The following RIPK1 variants were observed in gnomAD, a reference collection of about 807,000 sequenced individuals.
The protein encoded by RIPK1 is receptor interacting serine/threonine kinase 1.
A neutral mutation model predicts 62.4 loss-of-function variants in RIPK1; 27 were observed. That is an observed-to-expected ratio of 0.43 (90% confidence interval 0.32 to 0.60). The LOEUF (loss-of-function observed/expected upper bound fraction) is 0.60. Ranked by LOEUF, RIPK1 falls within the 20% of genes least tolerant of loss-of-function variation. The pLI is 0.07. For synonymous variants in RIPK1, 287 were observed against 303.2 expected (o/e 0.95, Z 0.55); for missense variants, 735 against 831.0 (o/e 0.88, Z 1.42).
intron 1 of RIPK1, among the ~76,000 whole-genome samples, chr6:3,069,207 C>G (rs1758560389): frequency 6.6e-6 from 1 of 152,322 alleles, no homozygotes; most frequent in South Asian, 2.1e-4. Context: ...TAAGAAAAAA[C>G]AGTTTGGGCT....
chr6:3,069,054 T>A (rs1303256692), intron 1 of RIPK1, among the ~76,000 whole-genome samples: 2 of 152,188 alleles, frequency 1.3e-5, no homozygotes, highest in Non-Finnish European at 2.9e-5. Context: ...TGGCCGCCTC[T>A]GTGCCAGAGG....
upstream of RIPK1, among the ~76,000 whole-genome samples, chr6:3,066,086 C>A (rs1306935272): frequency 2.0e-5 from 3 of 152,094 alleles, no homozygotes; most frequent in Non-Finnish European, 4.4e-5. Context: ...CAGGCTGGAG[C>A]AATCTTGGCT....
intron 1 of RIPK1, 76 bp from the exon 2 acceptor site, chr6:3,076,687 GA>G (rs1271783383): frequency 1.2e-4 from 18 of 152,750 alleles, no homozygotes; most frequent in Admixed American, 4.9e-4. Flanking sequence ...CTCCAAAGGA[GA>G]AAAAAAAAAA....
chr6:3,109,865 A>G (rs969691038), intron 9 of RIPK1, among the ~76,000 whole-genome samples: 3 of 152,162 alleles, frequency 2.0e-5, no homozygotes, highest in African/African-American at 4.8e-5. Flanking sequence ...TAGGTACCTC[A>G]TGTGAGTGGA....
At chr6:3,068,386 G>C (rs1758483334), upstream of RIPK1, 2 of 985,468 alleles carry the variant, frequency 2.0e-6, no homozygotes, top group Non-Finnish European at 1.2e-6. Flanking sequence ...CCGCAAGAGA[G>C]CTCCGGGACT....
intron 7 of RIPK1, among the ~76,000 whole-genome samples, chr6:3,090,856 T>C (rs13212107): frequency 0.087 from 3,728 of 42,930 alleles, 184 homozygotes; most frequent in African/African-American, 0.2. Context: ...AACCGCAGAG[T>C]ACCTACCTGC....
chr6:3,082,655 T>C (rs1389055709), intron 4 of RIPK1, among the ~76,000 whole-genome samples: 3 of 152,090 alleles, frequency 2.0e-5, no homozygotes, highest in Non-Finnish European at 2.9e-5. Flanking sequence ...TTTGGGGAAA[T>C]AGAAGGTGTA....
rs149432620 is a variant in RIPK1 at position 3,083,232 on chromosome 6, G to A, written c.607G>A (p.Ala203Thr). ...GCCCGAGCACCTGAATGACGTCAACGCAAAGCCCACAGAGAAGTCGGATGT... is the reference window on the plus strand; with the variant it reads ...GCCCGAGCACCTGAATGACGTCAACACAAAGCCCACAGAGAAGTCGGATGT... ...MAPEHLNDVNAKPTEKSDVYS... is the reference protein window; with the variant it reads ...MAPEHLNDVNTKPTEKSDVYS... Residue 203 changes from alanine to threonine, a missense_variant, in exon 5 of 11, where the codon GCA (alanine) becomes ACA (threonine). Ala to Thr is a moderately conservative substitution (Grantham distance 58). This residue lies in a region of RIPK1 where 671 missense variants were observed against 726.2 expected (regional missense o/e 0.92). Coordinates refer to ENST00000259808, the MANE Select transcript of RIPK1 (RefSeq NM_001354930.2). The A allele has an allele frequency of 1.1e-5, 17 of 1,613,836 alleles. 1 individual carries two copies. The highest frequency in any genetic ancestry group is 3.3e-5 in the Admixed American group (2 of 59,996).
intron 9 of RIPK1, among the ~76,000 whole-genome samples, chr6:3,106,362 T>G (rs1392726123): frequency 6.6e-6 from 1 of 152,208 alleles, no homozygotes; most frequent in African/African-American, 2.4e-5. Context: ...AAATGGGAAG[T>G]TATCTGCTTA....
intron 10 of RIPK1, 105 bp from the exon 11 acceptor site, chr6:3,112,948 G>C: frequency 1.1e-6 from 1 of 923,028 alleles, no homozygotes; most frequent in Non-Finnish European, 1.6e-6. Flanking sequence ...CTTTTTCACT[G>C]TCTTCTGGTA....
rs572332459 is a variant in RIPK1, at chr6:3,076,709, T to C, written c.-60-55T>C. 7.4e-4 allele frequency: 256 copies of C among 347,214 alleles called. 29 individuals are homozygous for C. Among genetic ancestry groups the C allele is most frequent in the African/African-American group, 3.8e-3 (156 of 40,648 alleles). The allele number at this position is 347,214 out of a possible 1,614,324, so 21.5% of individuals were successfully genotyped here. A position where few individuals can be genotyped will look rare whatever the true frequency, so the allele number is the denominator to read the frequency against. ...GGAGAAAAAAAAAAACATATATATA[T>C]ATATATATATATATATAGTCTTGCC... On this transcript the variant is annotated intron_variant, in intron 1 of 10. Coordinates refer to ENST00000259808, the MANE Select transcript of RIPK1 (RefSeq NM_001354930.2).
Position 3,113,130 on chromosome 6 carries a change from C to T in RIPK1, c.1807C>T (p.Arg603Cys), listed in dbSNP as rs1369834909. The change falls in exon 11 of 11, where the codon CGT becomes TGT. Residue 603 changes from arginine (R) to cysteine (C), a missense_variant. Around this residue, in one of 2 missense-constraint regions of RIPK1, gnomAD observed 64 missense variants for 104.8 expected, o/e 0.61. Transcript: ENST00000259808. This position sits in a 1 kb window ranked among gnomAD's most constrained non-coding sequence, Gnocchi z 5.0. Reference sequence around the variant, plus strand: ...GGGAAAGCACTGGAAAAACTGTGCCCGTAAACTGGGCTTCACACAGTCTCA... The same window carrying T: ...GGGAAAGCACTGGAAAAACTGTGCCTGTAAACTGGGCTTCACACAGTCTCA... ...NLGKHWKNCARKLGFTQSQID... is the reference protein window; with the variant it reads ...NLGKHWKNCACKLGFTQSQID... 1.9e-6 allele frequency: 3 copies of T among 1,610,210 alleles called. No individual in the cohort carries two copies. Among genetic ancestry groups the T allele is most frequent in the African/African-American group, 1.3e-5 (1 of 74,906 alleles).
chr6:3,084,773 TA>T (rs2113615038), intron 5 of RIPK1, among the ~76,000 whole-genome samples: 2 of 152,194 alleles, frequency 1.3e-5, no homozygotes, highest in East Asian at 3.9e-4. Context: ...TTTATATTTT[TA>T]GTAGAGACGG....
intron 4 of RIPK1, among the ~76,000 whole-genome samples, chr6:3,081,365 A>G (rs1326268695): frequency 6.6e-6 from 1 of 152,170 alleles, no homozygotes; most frequent in African/African-American, 2.4e-5. Flanking sequence ...GTAGATGAGA[A>G]GACCTCTTTC....
upstream of RIPK1, among the ~76,000 whole-genome samples, chr6:3,066,555 AATAG>A (rs532596349): frequency 3.0e-4 from 46 of 152,118 alleles, no homozygotes; most frequent in African/African-American, 1.0e-3. Context: ...AAAAATAATG[AATAG>A]ACTTTGTTTT....
chr6:3,079,586 C>A (rs1230104120), intron 3 of RIPK1, among the ~76,000 whole-genome samples: 1 of 152,160 alleles, frequency 6.6e-6, no homozygotes, highest in Non-Finnish European at 1.5e-5. Flanking sequence ...TTGGCTAGAG[C>A]ATAGATTGCA....
rs1368381843 is a variant in RIPK1, at chr6:3,072,687, T to C, written c.-61+4026T>C. 6.6e-6 allele frequency among the ~76,000 whole-genome samples: 1 copy of C among 152,150 alleles called. No homozygotes were observed. Among genetic ancestry groups the C allele is most frequent in the African/African-American group, 2.4e-5 (1 of 41,438 alleles). On this transcript the variant is annotated intron_variant, in intron 1 of 10. Coordinates refer to ENST00000259808, the MANE Select transcript of RIPK1 (RefSeq NM_001354930.2). The surrounding 1 kb of genome is among the most constrained non-coding windows in gnomAD (Gnocchi z 5.6). ...ATAATTCTCAATTACAGTACTGTCT[T>C]ACCTATGGAAGTGTCTAATGGGAAG...
chr6:3,070,021 T>A (rs922634030), intron 1 of RIPK1, among the ~76,000 whole-genome samples: 3 of 151,680 alleles, frequency 2.0e-5, no homozygotes, highest in East Asian at 1.9e-4. Flanking sequence ...AAAAAAAAAA[T>A]AAATAAAGAA....
intron 6 of RIPK1, among the ~76,000 whole-genome samples, chr6:3,088,488 C>G (rs904616291): frequency 2.8e-4 from 43 of 152,220 alleles, no homozygotes; most frequent in Non-Finnish European, 1.2e-4. Context: ...GTTCTCCTGA[C>G]ACCATGGGAG....
Sources: gnomAD v4.1 joint callset for allele counts (sites outside exome capture counted in the v4.1 genomes callset) on GRCh38, gnomAD v4.1.1 for gene constraint, gnomAD v4.1.1 regional missense constraint, Gnocchi (gnomAD v3.1) non-coding constraint, MANE v1.5 for transcripts, NCBI Gene and HGNC (gene_info 2026-07-23, HGNC 2026-07-21) for gene names.